Variants in DOCK2 observed in about 807,000 individuals in gnomAD.
DOCK2 encodes the protein dedicator of cytokinesis 2.
A neutral mutation model predicts 248.9 loss-of-function variants in DOCK2; 87 were observed. That is an observed-to-expected ratio of 0.35 (90% CI 0.29 to 0.42). The LOEUF is 0.42. DOCK2 is among the 10% of genes least tolerant of loss of function. The pLI is 1.00. For missense variants in DOCK2, 1,747 were observed against 2,300.2 expected (o/e 0.76, Z 4.92); for synonymous variants, 805 against 821.6 (o/e 0.98, Z 0.35).
At chr5:169,965,074 G>C (rs1037163076) in intron 27 of DOCK2, among the ~76,000 whole-genome samples, 1 of 152,188 alleles carries the variant, frequency 6.6e-6, no homozygotes, top group African/African-American at 2.4e-5. Flanking sequence ...GCCACTTGCT[G>C]TGCTAGGGGC....
At position 170,021,659 on chromosome 5, in the gene DOCK2, TCTC is replaced by T. The variant is rs565838268; in HGVS notation, c.3381+2555_3381+2557del. Among the ~76,000 whole-genome samples, 76 of 152,146 alleles carry T rather than the reference TCTC, an allele frequency of 5.0e-4. 2 individuals are homozygous for T. Among genetic ancestry groups the T allele is most frequent in the African/African-American group, 1.7e-3 (70 of 41,520 alleles). ...ATTCTGAGCATGTTCCCTAATCACT[TCTC>T]CTCGCAGCTCCCTTATCAAAAAAGA... On this transcript the variant is annotated intron_variant, in intron 33 of 51. Transcript: ENST00000520908.
At chr5:169,979,951 A>G (rs1339827416) in intron 27 of DOCK2, among the ~76,000 whole-genome samples, 1 of 152,220 alleles carries the variant, frequency 6.6e-6, no homozygotes, top group East Asian at 1.9e-4. Context: ...TTCTCTAAAC[A>G]AGGCTTAAGA....
intron 21 of DOCK2, 80 bp from the exon 22 acceptor site, chr5:169,718,577 T>C (rs1425746231): frequency 6.6e-7 from 1 of 1,509,736 alleles, no homozygotes; most frequent in Admixed American, 1.9e-5. Context: ...TAACCTTTGA[T>C]TGAATGCCTT....
rs890747725 is a variant in DOCK2, at chr5:169,763,817, C to T, written c.2554+2192C>T. On this transcript the variant is annotated intron_variant, in intron 25 of 51. Coordinates refer to ENST00000520908, the MANE Select transcript of DOCK2 (RefSeq NM_004946.3). The surrounding 1 kb of genome is among the most constrained non-coding windows in gnomAD (Gnocchi z 4.1). ...CAAAGTATCCTTTGGGGACCCCTTT[C>T]AAAGAGGAGGCAAAGTGTAATTAGT... Among the ~76,000 whole-genome samples the T allele has an allele frequency of 6.6e-6, 1 of 152,208 alleles. No individual in the cohort carries two copies. Among genetic ancestry groups the T allele is most frequent in the Non-Finnish European group, 1.5e-5 (1 of 68,030 alleles).
At chr5:169,950,022 G>A (rs1776596045) in intron 27 of DOCK2, among the ~76,000 whole-genome samples, 1 of 152,232 alleles carries the variant, frequency 6.6e-6, no homozygotes. Flanking sequence ...GCGTTTGAGG[G>A]GATCACAGAT....
intron 27 of DOCK2, among the ~76,000 whole-genome samples, chr5:169,953,644 A>G (rs1264468271): frequency 6.6e-6 from 1 of 152,208 alleles, no homozygotes; most frequent in Non-Finnish European, 1.5e-5. Flanking sequence ...GAGTTCACAG[A>G]GGAGGTAGCA....
intron 23 of DOCK2, 93 bp from the exon 24 acceptor site, chr5:169,759,612 C>T (rs1764369267): frequency 1.5e-6 from 2 of 1,365,116 alleles, no homozygotes; most frequent in African/African-American, 1.4e-5. Flanking sequence ...GAATCATTCT[C>T]CTCTGATCTG....
At chr5:170,037,517 G>A (rs537379379) in intron 36 of DOCK2, among the ~76,000 whole-genome samples, 11 of 130,464 alleles carry the variant, frequency 8.4e-5, no homozygotes, top group African/African-American at 3.2e-4. Flanking sequence ...ACAGAGTTTC[G>A]CTCTTGTTGC....
chr5:170,055,431 C>G (rs370188566), intron 42 of DOCK2, 45 bp downstream of exon 42: 1 of 1,578,218 alleles, frequency 6.3e-7, no homozygotes, highest in Non-Finnish European at 8.7e-7. Context: ...GAAGAGAACC[C>G]ATTGGGGCCA....
intron 44 of DOCK2, among the ~76,000 whole-genome samples, chr5:170,065,147 T>A (rs1291371099): frequency 6.6e-6 from 1 of 152,154 alleles, no homozygotes; most frequent in Admixed American, 6.5e-5. Context: ...AAATTGAAGT[T>A]TGTGTATGTG....
chr5:169,810,397 G>A (rs1425430874), intron 26 of DOCK2, among the ~76,000 whole-genome samples: 1 of 152,160 alleles, frequency 6.6e-6, no homozygotes, highest in African/African-American at 2.4e-5. Context: ...AAACAAAATT[G>A]TATCAAATTG....
chr5:170,041,980 C>T, intron 37 of DOCK2, 33 bp from the exon 38 acceptor site: 1 of 1,609,024 alleles, frequency 6.2e-7, no homozygotes, highest in Non-Finnish European at 8.5e-7. Context: ...AGCCTCTCGG[C>T]CCTGTGTGAC....
chr5:169,920,394 C>A (rs991812072), intron 27 of DOCK2, among the ~76,000 whole-genome samples: 23 of 152,198 alleles, frequency 1.5e-4, no homozygotes, highest in Non-Finnish European at 2.4e-4. Flanking sequence ...AAAATACTTT[C>A]TGAGAGTTGT....
At chr5:169,882,861 A>C (rs1210443083) in intron 27 of DOCK2, 2 of 1,551,194 alleles carry the variant, frequency 1.3e-6, no homozygotes, top group Admixed American at 2.0e-5. Context: ...ATTTCGATGC[A>C]CTGTTAGTTT....
intron 27 of DOCK2, among the ~76,000 whole-genome samples, chr5:169,976,287 C>G (rs1279774179): frequency 6.6e-6 from 1 of 152,116 alleles, no homozygotes; most frequent in Non-Finnish European, 1.5e-5. Flanking sequence ...GTCGGAAAGG[C>G]CTAAATTTTA....
intron 2 of DOCK2, among the ~76,000 whole-genome samples, chr5:169,659,373 A>T (rs113785168): frequency 0.016 from 2,471 of 152,248 alleles, 41 homozygotes; most frequent in Non-Finnish European, 0.023. Context: ...GTCTACCACC[A>T]GCCTGGCTCA....
At chr5:170,071,143 AG>A (rs1477745592) in intron 46 of DOCK2, among the ~76,000 whole-genome samples, 1 of 152,238 alleles carries the variant, frequency 6.6e-6, no homozygotes, top group East Asian at 1.9e-4. Flanking sequence ...CAAAAGATGC[AG>A]TCCTGCTCAT....
intron 30 of DOCK2, among the ~76,000 whole-genome samples, chr5:170,005,487 G>A (rs913868442): frequency 1.3e-5 from 2 of 152,162 alleles, no homozygotes; most frequent in Non-Finnish European, 2.9e-5. Context: ...CACCACCACT[G>A]CATTTACTGA....
At chr5:170,041,913 G>T (rs1010179363) in intron 37 of DOCK2, 100 bp from the exon 38 acceptor site, 133 of 1,388,544 alleles carry the variant, frequency 9.6e-5, no homozygotes, top group Non-Finnish European at 1.2e-4. Context: ...AAAGGACAGG[G>T]TGTGTGTTGG....
Sources: allele counts gnomAD v4.1 joint callset (sites outside exome capture counted in the v4.1 genomes callset), GRCh38; gene constraint gnomAD v4.1.1; non-coding constraint Gnocchi (gnomAD v3.1); transcripts MANE v1.5; gene names NCBI Gene and HGNC (gene_info 2026-07-23, HGNC 2026-07-21).